The following TMEM38B variants were observed in gnomAD, a reference collection of about 807,000 sequenced individuals.
TMEM38B encodes transmembrane protein 38B.
TMEM38B carries 24 observed loss-of-function variants against 28.7 expected under a neutral mutation model. The observed-to-expected ratio is 0.84, with a 90% confidence interval of 0.61 to 1.18. TMEM38B has a LOEUF of 1.18. Ranked by LOEUF, TMEM38B falls within the 50% of genes most tolerant of loss-of-function variation. The pLI is 0.00. For missense variants in TMEM38B, 380 were observed against 350.9 expected (o/e 1.08, Z -0.66); for synonymous variants, 131 against 127.7 (o/e 1.03, Z -0.17).
chr9:105,755,585 A>C (rs191309260), intron 5 of TMEM38B, among the ~76,000 whole-genome samples: 1 of 152,250 alleles, frequency 6.6e-6, no homozygotes. Flanking sequence ...ACAACTTCAC[A>C]GTTTCTGCAA....
chr9:105,759,460 G>C (rs762250053), intron 5 of TMEM38B: 5 of 1,568,770 alleles, frequency 3.2e-6, no homozygotes, highest in Non-Finnish European at 3.5e-6. Context: ...AATGCAGCTA[G>C]TTAATTTAAG....
At chr9:105,716,717 C>T (rs573333430) in intron 2 of TMEM38B, among the ~76,000 whole-genome samples, 154 of 152,198 alleles carry the variant, frequency 1.0e-3, no homozygotes, top group Middle Eastern at 3.4e-3. Context: ...TCAGCCTACT[C>T]TTTGTGAAGA....
rs373164708 is a variant in TMEM38B at position 105,718,484 on chromosome 9, C to T, written c.270-3053C>T. On this transcript the variant is annotated intron_variant, in intron 2 of 5. Transcript: ENST00000374692. ...TGAAGTCTTCACCTCGTGATCCTCC[C>T]GCCTTGGCCTCCCAAAGTGCTGGGA... 1.2e-3 allele frequency among the ~76,000 whole-genome samples: 188 copies of T among 152,264 alleles called. 1 individual carries two copies. The highest frequency in any genetic ancestry group is 4.2e-3 in the African/African-American group (175 of 41,554).
At chr9:105,746,375 A>G (rs558872871) in intron 4 of TMEM38B, among the ~76,000 whole-genome samples, 5 of 152,058 alleles carry the variant, frequency 3.3e-5, no homozygotes, top group Admixed American at 1.3e-4. Context: ...TTGGCTCTCT[A>G]TTTGTCTGTT....
At chr9:105,702,462 T>C (rs1167165204) in intron 1 of TMEM38B, among the ~76,000 whole-genome samples, 3 of 152,124 alleles carry the variant, frequency 2.0e-5, no homozygotes, top group East Asian at 3.8e-4. Flanking sequence ...ATAGACTGAG[T>C]ACAAGAAAAT....
Position 105,748,119 on chromosome 9 carries a change from C to G in TMEM38B, c.589C>G (p.His197Asp), listed in dbSNP as rs774353565. ...GGGGTCAGTTATCTTCACATTCCAG[C>G]ACACCCAGCATCTGGCAATATCAAA... Reference protein sequence around the residue: ...LLGSVIFTFQHTQHLAISKHN... With the variant: ...LLGSVIFTFQDTQHLAISKHN... Residue 197 changes from histidine to aspartate, a missense_variant, in exon 5 of 6, where the codon CAC (histidine) becomes GAC (aspartate). Coordinates refer to ENST00000374692, the MANE Select transcript of TMEM38B (RefSeq NM_018112.3). The G allele has an allele frequency of 1.9e-6, 3 of 1,613,582 alleles. No individual in the cohort carries two copies. The highest frequency in any genetic ancestry group is 3.3e-5 in the Admixed American group (2 of 59,948).
intron 4 of TMEM38B, among the ~76,000 whole-genome samples, chr9:105,731,066 C>T (rs1368704301): frequency 6.6e-6 from 1 of 152,066 alleles, no homozygotes; most frequent in Non-Finnish European, 1.5e-5. Context: ...CTATCTCCTT[C>T]AGTTCTGCAT....
chr9:105,724,010 A>G (rs1836420653), intron 4 of TMEM38B, among the ~76,000 whole-genome samples: 4 of 150,832 alleles, frequency 2.7e-5, no homozygotes, highest in Admixed American at 1.3e-4. Context: ...TAATTTTTGT[A>G]TTTTTAGTTG....
rs1038366004 is a variant in TMEM38B at position 105,694,790 on chromosome 9, C to G, written c.112+18C>G. 3.0e-6 allele frequency: 4 copies of G among 1,349,696 alleles called. No individual in the cohort carries two copies. The highest frequency in any genetic ancestry group is 3.9e-6 in the Non-Finnish European group (4 of 1,018,374). 83.6% of individuals were successfully genotyped at this position (1,349,696 alleles called of 1,614,324 possible). ...TCAGCCGGGTGAGTGCGGGGCGCCG[C>G]GGGCCGGACCCCTCAGAGTGCTCCT... is the stretch of plus-strand genomic sequence containing the variant. On this transcript the variant is annotated intron_variant, in intron 1 of 5. Transcript: ENST00000374692.
At position 105,773,853 on chromosome 9, in the gene TMEM38B, T is replaced by A; in HGVS notation, c.661-12T>A. 1 of 1,593,920 alleles carries A rather than the reference T, an allele frequency of 6.3e-7. No homozygotes were observed. The highest frequency in any genetic ancestry group is 8.5e-7 in the Non-Finnish European group (1 of 1,169,820). On this transcript the variant is annotated splice_polypyrimidine_tract_variant and intron_variant, in intron 5 of 5. Coordinates refer to ENST00000374692, the MANE Select transcript of TMEM38B (RefSeq NM_018112.3). ...TTGTATTTAAATTCAAAATTAAACT[T>A]TTTTCCCCCAGATAACCATGATGAC...
At chr9:105,765,329 G>C (rs951582324) in intron 5 of TMEM38B, among the ~76,000 whole-genome samples, 2 of 152,122 alleles carry the variant, frequency 1.3e-5, no homozygotes, top group African/African-American at 4.8e-5. Context: ...CAACTTTTTA[G>C]AAGTATAATT....
intron 1 of TMEM38B, among the ~76,000 whole-genome samples, chr9:105,703,025 A>C (rs1213125948): frequency 6.6e-6 from 1 of 151,182 alleles, no homozygotes; most frequent in Non-Finnish European, 1.5e-5. Flanking sequence ...AATTATTTGC[A>C]TTTTAAACAT....
At chr9:105,760,411 T>G (rs1480257658) in intron 5 of TMEM38B, 7 of 741,494 alleles carry the variant, frequency 9.4e-6, no homozygotes, top group Non-Finnish European at 1.7e-5. Context: ...ACATCTTGAA[T>G]ACTTAAAAAA....
At chr9:105,708,520 A>G (rs1440477909) in intron 2 of TMEM38B, among the ~76,000 whole-genome samples, 1 of 152,202 alleles carries the variant, frequency 6.6e-6, no homozygotes. Context: ...TAAGAACAAT[A>G]TCCCAAACTT....
intron 5 of TMEM38B, among the ~76,000 whole-genome samples, chr9:105,764,031 A>G (rs1157766480): frequency 2.7e-5 from 4 of 149,864 alleles, no homozygotes; most frequent in South Asian, 2.2e-4. Context: ...AAATTCAACA[A>G]CCCTTCATGC....
chr9:105,760,114 G>A (rs1485981297), intron 5 of TMEM38B: 11 of 883,220 alleles, frequency 1.2e-5, no homozygotes, highest in African/African-American at 6.6e-5. Context: ...GGTTGCCATC[G>A]ATGCGCTACA....
chr9:105,750,295 T>TC lies in TMEM38B; in HGVS notation c.660+2106dup, dbSNP rs1054044552. Among the ~76,000 whole-genome samples the TC allele has an allele frequency of 1.2e-4, 19 of 152,296 alleles. 1 individual carries two copies. Among genetic ancestry groups the TC allele is most frequent in the Admixed American group, 1.2e-3 (19 of 15,296 alleles). ...TCTTCCATTCTGTAAGTTTTTTTTT[T>TC]CACTGATAGTGCCCTTAGAAGCACA... On this transcript the variant is annotated intron_variant, in intron 5 of 5. Transcript: ENST00000374692.
chr9:105,748,782 T>C (rs1314700358), intron 5 of TMEM38B, among the ~76,000 whole-genome samples: 1 of 152,232 alleles, frequency 6.6e-6, no homozygotes, highest in Non-Finnish European at 1.5e-5. Context: ...TGCATGTCTT[T>C]CTGTCACTGT....
Position 105,775,844 on chromosome 9 carries a change from A to G in TMEM38B, c.*1764A>G, listed in dbSNP as rs944022088. 2 of 152,118 alleles carry G rather than the reference A, an allele frequency of 1.3e-5. No homozygotes were observed. The highest frequency in any genetic ancestry group is 4.8e-5 in the African/African-American group (2 of 41,440). 9.4% of individuals were successfully genotyped at this position (152,118 alleles called of 1,614,324 possible). A position where few individuals can be genotyped will look rare whatever the true frequency, so the allele number is the denominator to read the frequency against. ...GAGTATTACATTATTTTTATGTTTT[A>G]TATTTTTCTTGAGGTAGAGTTTCAG... On this transcript the variant is annotated 3_prime_UTR_variant, in exon 6 of 6. Coordinates refer to ENST00000374692, the MANE Select transcript of TMEM38B (RefSeq NM_018112.3).
Sources: gnomAD v4.1 joint callset for allele counts (sites outside exome capture counted in the v4.1 genomes callset) on GRCh38, gnomAD v4.1.1 for gene constraint, MANE v1.5 for transcripts, NCBI Gene and HGNC (gene_info 2026-07-23, HGNC 2026-07-21) for gene names.